SASS6: variants seen among roughly 807,000 people sequenced by gnomAD.
SASS6 encodes the protein SAS-6 centriolar assembly protein, also known as spindle assembly abnormal protein 6 homolog.
SASS6 carries 59 observed loss-of-function variants against 94.9 expected under a neutral mutation model. The ratio of observed to expected loss-of-function variants is 0.62; its 90% CI spans 0.50 to 0.77. The LOEUF (loss-of-function observed/expected upper bound fraction) is 0.77. Among genes scored for constraint, SASS6 ranks in the 30% least tolerant of loss-of-function variants. The pLI, the probability that SASS6 is intolerant of heterozygous loss-of-function variation, is 0.00. For missense variants in SASS6, 698 were observed against 734.1 expected (o/e 0.95, Z 0.57); for synonymous variants, 264 against 270.0 (o/e 0.98, Z 0.22).
intron 13 of SASS6, among the ~76,000 whole-genome samples, 160 bp downstream of exon 13, chr1:100,105,607 C>T (rs1652842380): frequency 6.6e-6 from 1 of 152,112 alleles, no homozygotes; most frequent in Non-Finnish European, 1.5e-5. Flanking sequence ...TGCCTTTGTT[C>T]CACTTCCAGG....
chr1:100,091,750 A>G (rs1001023225), intron 14 of SASS6, among the ~76,000 whole-genome samples: 5 of 151,844 alleles, frequency 3.3e-5, no homozygotes, highest in African/African-American at 1.2e-4. Context: ...GCGGATCAAT[A>G]GAAATAATCA....
At chr1:100,088,266 T>C in intron 14 of SASS6, 30 bp from the exon 15 acceptor site, 1 of 1,085,408 alleles carries the variant, frequency 9.2e-7, no homozygotes, top group South Asian at 1.2e-5. Context: ...CTCATGTAAC[T>C]GAGTTATATA....
chr1:100,101,492 G>A (rs1055563214), intron 14 of SASS6, among the ~76,000 whole-genome samples: 2 of 151,924 alleles, frequency 1.3e-5, no homozygotes, highest in Admixed American at 1.3e-4. Flanking sequence ...TATTTTATAA[G>A]CCATCTTTAG....
At position 100,124,688 on chromosome 1, in the gene SASS6, C is replaced by T. The variant is rs181783061; in HGVS notation, c.126+1194G>A. Among the ~76,000 whole-genome samples the T allele has an allele frequency of 4.6e-5, 7 of 152,216 alleles. No homozygotes were observed. The East Asian group carries it at 1.3e-3, about 29-fold the overall frequency. On this transcript the variant is annotated intron_variant, in intron 2 of 16. Coordinates refer to ENST00000287482, the MANE Select transcript of SASS6 (RefSeq NM_194292.3). ...GAGGCACTGCCCTTGGCACAGATGC[C>T]GTATTTCTTAGTTCTCTGTTCCAGT...
chr1:100,125,758 T>A (rs1654572561), intron 2 of SASS6, 124 bp downstream of exon 2: 1 of 660,580 alleles, frequency 1.5e-6, no homozygotes, highest in Admixed American at 3.0e-5. Flanking sequence ...TTTCCAACAG[T>A]TGCAAAATAG....
At chr1:100,090,100 A>G (rs1031501141) in intron 14 of SASS6, among the ~76,000 whole-genome samples, 12 of 152,102 alleles carry the variant, frequency 7.9e-5, no homozygotes, top group Admixed American at 2.0e-4. Context: ...GAAAGCCAAG[A>G]GTAAATATAA....
chr1:100,105,681 A>T, intron 13 of SASS6, 86 bp downstream of exon 13: 1 of 1,351,284 alleles, frequency 7.4e-7, no homozygotes, highest in Non-Finnish European at 1.0e-6. Context: ...TCAGCACCTT[A>T]AATCATGGAA....
At chr1:100,118,898 T>C (rs1653971720) in intron 7 of SASS6, 120 bp downstream of exon 7, 1 of 535,340 alleles carries the variant, frequency 1.9e-6, no homozygotes, top group Non-Finnish European at 3.0e-6. Context: ...ATTTTTATTT[T>C]TATTTTATAT....
At chr1:100,116,174 T>C (rs1264911453) in intron 7 of SASS6, among the ~76,000 whole-genome samples, 1 of 152,148 alleles carries the variant, frequency 6.6e-6, no homozygotes, top group Admixed American at 6.5e-5. Flanking sequence ...AGATAAGGTG[T>C]ATATCCTTAA....
At chr1:100,106,623 G>A (rs1486596044) in intron 12 of SASS6, among the ~76,000 whole-genome samples, 1 of 152,206 alleles carries the variant, frequency 6.6e-6, no homozygotes, top group South Asian at 2.1e-4. Flanking sequence ...AGGCCAAGGC[G>A]GGTGGATCAC....
chr1:100,119,793 C>G (rs926419640), intron 6 of SASS6, among the ~76,000 whole-genome samples: 1 of 152,230 alleles, frequency 6.6e-6, no homozygotes, highest in African/African-American at 2.4e-5. Flanking sequence ...TAAACTTCCT[C>G]AGGTCCCCAC....
In SASS6 at chr1:100,121,408, T is replaced by G; in HGVS notation, c.453A>C (p.Lys151Asn). ...TACATTTCAAACAGCCTGCGAGAAA[T>G]TTCTTTATCTCCACATCATTTCCAG... is the stretch of plus-strand genomic sequence containing the variant. ...LLPGNDVEIK[K>N]FLAGCLKCSK... Residue 151 changes from lysine (K) to asparagine (N), a missense_variant, in exon 5 of 17, where the codon AAA (lysine) becomes AAC (asparagine). By Grantham distance (94) the Lys-to-Asn change is moderately conservative. Transcript: ENST00000287482. The G allele has an allele frequency of 6.3e-7, 1 of 1,582,160 alleles. No individual in the cohort carries two copies. Among genetic ancestry groups the G allele is most frequent in the Non-Finnish European group, 8.5e-7 (1 of 1,170,446 alleles).
At chr1:100,124,076 A>G (rs982075141) in intron 2 of SASS6, among the ~76,000 whole-genome samples, 16 of 152,238 alleles carry the variant, frequency 1.1e-4, no homozygotes, top group African/African-American at 3.6e-4. Context: ...ATCTCTACTC[A>G]TGTCTACTGA....
In SASS6 at chr1:100,121,395, A is replaced by T; in HGVS notation, c.466T>A (p.Cys156Ser). 1 of 1,574,694 alleles carries T rather than the reference A, an allele frequency of 6.4e-7. No individual in the cohort carries two copies. Among genetic ancestry groups the T allele is most frequent in the Admixed American group, 2.1e-5 (1 of 48,108 alleles). The change falls in exon 5 of 17, where the codon TGT (cysteine) becomes AGT (serine). Residue 156 changes from cysteine (C) to serine (S), a missense_variant. By Grantham distance (112) the Cys-to-Ser change is moderately radical. Coordinates refer to ENST00000287482, the MANE Select transcript of SASS6 (RefSeq NM_194292.3). ...DVEIKKFLAG[C>S]LKCSKEEKLS... is the part of the protein sequence containing the mutation. ...AATCTTACCTTGCTACATTTCAAAC[A>T]GCCTGCGAGAAATTTCTTTATCTCC...
In SASS6 at chr1:100,132,830, C is replaced by T. The variant is rs769926250; in HGVS notation, c.-16G>A. 6.2e-7 allele frequency: 1 copy of T among 1,612,974 alleles called. No individual in the cohort carries two copies. Among genetic ancestry groups the T allele is most frequent in the East Asian group, 2.2e-5 (1 of 44,888 alleles). ...CTTGGCTCATGTTGGCTCGCTGCCT[C>T]GGCTGGTGTGCAGAAAAGCCCAACA... On this transcript the variant is annotated 5_prime_UTR_variant, in exon 1 of 17. Transcript: ENST00000287482.
intron 6 of SASS6, among the ~76,000 whole-genome samples, chr1:100,120,102 G>A (rs926573700): frequency 2.0e-5 from 3 of 152,178 alleles, no homozygotes; most frequent in Non-Finnish European, 1.5e-5. Context: ...GCGAACAAGT[G>A]GGGAGTGGAG....
In SASS6 at chr1:100,121,374, T is replaced by G; in HGVS notation, c.483+4A>C. On this transcript the variant is annotated splice_donor_region_variant and intron_variant, in intron 5 of 16. Coordinates refer to ENST00000287482, the MANE Select transcript of SASS6 (RefSeq NM_194292.3). ...TAAAAGAATAACTTAAATTTAAATC[T>G]TACCTTGCTACATTTCAAACAGCCT... 1 of 1,531,694 alleles carries G rather than the reference T, an allele frequency of 6.5e-7. No homozygotes were observed. Among genetic ancestry groups the G allele is most frequent in the Non-Finnish European group, 8.8e-7 (1 of 1,134,278 alleles). The allele number at this position is 1,531,694 out of a possible 1,614,324, so 94.9% of individuals were successfully genotyped here.
chr1:100,122,548 C>CA, intron 3 of SASS6, 64 bp from the exon 4 acceptor site: 4 of 390,268 alleles, frequency 1.0e-5, no homozygotes, highest in Admixed American at 6.4e-5. Flanking sequence ...TGTTTTGGTG[C>CA]CTTTTTTTTT....
rs199977681 is a variant in SASS6, at chr1:100,132,839, T to C, written c.-25A>G. The stretch of plus-strand genomic sequence containing the variant: ...TGTTGGCTCGCTGCCTCGGCTGGTG[T>C]GCAGAAAAGCCCAACAGGCCCGGCC... On this transcript the variant is annotated 5_prime_UTR_variant, in exon 1 of 17. Transcript: ENST00000287482. The C allele has an allele frequency of 3.1e-6, 5 of 1,610,418 alleles. No individual in the cohort carries two copies. The highest frequency in any genetic ancestry group is 1.3e-5 in the African/African-American group (1 of 74,822).
Sources: gnomAD v4.1 joint callset for allele counts (sites outside exome capture counted in the v4.1 genomes callset) on GRCh38, gnomAD v4.1.1 for gene constraint, MANE v1.5 for transcripts, NCBI Gene and HGNC (gene_info 2026-07-23, HGNC 2026-07-21) for gene names.